The following SLC35F4 variants were observed in gnomAD, a reference collection of about 807,000 sequenced individuals.
The protein encoded by SLC35F4 is chromosome 14 open reading frame 36.
SLC35F4 carries 24 observed loss-of-function variants against 44.2 expected under a neutral mutation model. The observed-to-expected ratio is 0.54, with a 90% CI of 0.39 to 0.76. The LOEUF (loss-of-function observed/expected upper bound fraction) is 0.76, where lower values mean the gene tolerates loss of function less well. Among genes scored for constraint, SLC35F4 ranks in the 30% least tolerant of loss-of-function variants. SLC35F4 has a pLI of 0.00. For synonymous variants in SLC35F4, 238 were observed against 223.6 expected (o/e 1.06, Z -0.57); for missense variants, 562 against 586.1 (o/e 0.96, Z 0.42).
At chr14:57,610,322 G>T (rs570363224) in intron 1 of SLC35F4, among the ~76,000 whole-genome samples, 24 of 152,202 alleles carry the variant, frequency 1.6e-4, no homozygotes, top group African/African-American at 5.5e-4. Context: ...GAGCCTGGAG[G>T]GTGTGAGAAA....
chr14:57,902,323 G>A (rs2141045882), intron 1 of SLC35F4, among the ~76,000 whole-genome samples: 1 of 152,210 alleles, frequency 6.6e-6, no homozygotes, highest in South Asian at 2.1e-4. Context: ...CAGCACTTTG[G>A]GAGGCCGAGG....
At chr14:57,956,145 C>T (rs1890233032) in intron 1 of SLC35F4, among the ~76,000 whole-genome samples, 1 of 152,200 alleles carries the variant, frequency 6.6e-6, no homozygotes, top group Non-Finnish European at 1.5e-5. Flanking sequence ...CACACATCTT[C>T]AACCATCTGA....
chr14:57,975,109 C>T (rs138363122), downstream of SLC35F4, among the ~76,000 whole-genome samples: 9 of 152,334 alleles, frequency 5.9e-5, no homozygotes, highest in East Asian at 1.5e-3. Flanking sequence ...AGGTGCTTGT[C>T]CATGAGTCAC....
chr14:57,600,691 C>CAAAAAAAAAAA (rs67819924), intron 1 of SLC35F4, among the ~76,000 whole-genome samples: 2 of 55,404 alleles, frequency 3.6e-5, no homozygotes, highest in Non-Finnish European at 6.2e-5. Context: ...GACTCCATCT[C>CAAAAAAAAAAA]AAAAAAAAAA....
At chr14:57,661,579 GATAA>G (rs2140237747) in intron 1 of SLC35F4, among the ~76,000 whole-genome samples, 1 of 152,280 alleles carries the variant, frequency 6.6e-6, no homozygotes, top group East Asian at 1.9e-4. Flanking sequence ...CAACCCTACT[GATAA>G]TAGAGATAAG....
upstream of SLC35F4, among the ~76,000 whole-genome samples, chr14:57,869,752 C>T (rs1219929820): frequency 6.6e-6 from 1 of 152,192 alleles, no homozygotes; most frequent in Non-Finnish European, 1.5e-5. Context: ...AAGCATCTGG[C>T]TTCTAGCCAA....
At chr14:57,652,102 G>A (rs925137366) in intron 1 of SLC35F4, among the ~76,000 whole-genome samples, 2 of 152,198 alleles carry the variant, frequency 1.3e-5, no homozygotes, top group African/African-American at 2.4e-5. Flanking sequence ...GTCTCAGCCT[G>A]TAACATGAAT....
intron 1 of SLC35F4, chr14:57,595,793 G>C (rs1489002553): frequency 6.6e-6 from 1 of 152,136 alleles, no homozygotes; most frequent in African/African-American, 2.4e-5. Flanking sequence ...GGCACTGCAA[G>C]ATGCCCTGGG....
intron 1 of SLC35F4, chr14:57,602,270 A>G (rs1284892855): frequency 6.6e-6 from 1 of 152,122 alleles, no homozygotes; most frequent in Non-Finnish European, 1.5e-5. Context: ...CCAACACAGG[A>G]AAGTGTGGAT....
intron 1 of SLC35F4, among the ~76,000 whole-genome samples, chr14:57,969,894 A>G (rs1881003891): frequency 6.6e-6 from 1 of 152,196 alleles, no homozygotes; most frequent in Admixed American, 6.5e-5. Context: ...TTTGCTCCTC[A>G]ACGTCCCAGC....
rs569236342 is a variant in SLC35F4, at chr14:57,921,048, T to C, written n.282+60865A>G. On this transcript the variant is annotated intron_variant and non_coding_transcript_variant, in intron 1 of 1. Transcript: ENST00000556568. The stretch of plus-strand genomic sequence containing the variant: ...CTCCTATTATTTTAGACACTCACCA[T>C]CTTCAGAGCAAACTTTGTACTCTTT... 3.3e-5 allele frequency among the ~76,000 whole-genome samples: 5 copies of C among 152,368 alleles called. No homozygotes were observed. In the East Asian group the frequency reaches 7.7e-4, roughly 23 times the overall value.
At chr14:57,680,077 A>C (rs888308873) in intron 1 of SLC35F4, among the ~76,000 whole-genome samples, 2 of 152,008 alleles carry the variant, frequency 1.3e-5, no homozygotes, top group African/African-American at 4.8e-5. Flanking sequence ...CAAAAAAAGG[A>C]AATTTCAGGC....
intron 1 of SLC35F4, among the ~76,000 whole-genome samples, chr14:57,750,278 T>C (rs2076853516): frequency 6.6e-6 from 1 of 152,202 alleles, no homozygotes; most frequent in African/African-American, 2.4e-5. Flanking sequence ...ACATTTTCTT[T>C]ATCCAGTCAT....
intron 1 of SLC35F4, among the ~76,000 whole-genome samples, chr14:57,706,784 A>G (rs1281034513): frequency 1.3e-5 from 2 of 152,158 alleles, no homozygotes; most frequent in African/African-American, 4.8e-5. Flanking sequence ...GCTATAGTAG[A>G]ATGAATACAA....
chr14:57,579,292 C>G (rs371779355), intron 4 of SLC35F4: 3 of 152,240 alleles, frequency 2.0e-5, no homozygotes. Context: ...ACTCAACCCA[C>G]TGCAGATGGC....
chr14:57,963,575 G>A (rs1282203792), intron 1 of SLC35F4, among the ~76,000 whole-genome samples: 1 of 152,106 alleles, frequency 6.6e-6, no homozygotes, highest in Non-Finnish European at 1.5e-5. Flanking sequence ...CGTGGAGTCG[G>A]TCAGCCTATC....
intron 1 of SLC35F4, among the ~76,000 whole-genome samples, chr14:57,980,279 A>G (rs2141100648): frequency 6.6e-6 from 1 of 152,280 alleles, no homozygotes; most frequent in Middle Eastern, 3.4e-3. Flanking sequence ...AGGTACTTGG[A>G]ATTTTAGCTG....
At chr14:57,700,674 G>T (rs965315890) in intron 1 of SLC35F4, among the ~76,000 whole-genome samples, 18 of 152,080 alleles carry the variant, frequency 1.2e-4, no homozygotes, top group African/African-American at 4.1e-4. Context: ...GGCTGAGGCG[G>T]GTGGATTGCT....
chr14:57,689,909 TAA>T (rs2075179925), intron 1 of SLC35F4, among the ~76,000 whole-genome samples: 1 of 152,030 alleles, frequency 6.6e-6, no homozygotes, highest in Non-Finnish European at 1.5e-5. Context: ...TAAAAAAAAA[TAA>T]AGATACAGCT....
Sources: gnomAD v4.1 joint callset for allele counts (sites outside exome capture counted in the v4.1 genomes callset) on GRCh38, gnomAD v4.1.1 for gene constraint, MANE v1.5 for transcripts, NCBI Gene and HGNC (gene_info 2026-07-23, HGNC 2026-07-21) for gene names.